Variants in DCDC2 observed in about 807,000 individuals in gnomAD.
DCDC2 encodes doublecortin domain containing 2, also known as doublecortin domain-containing protein 2.
Under a neutral mutation model 50.2 loss-of-function variants are expected in DCDC2, and 40 were observed. The observed-to-expected ratio is 0.80, with a 90% CI of 0.62 to 1.04. The LOEUF (loss-of-function observed/expected upper bound fraction) is 1.04, where lower values mean the gene tolerates loss of function less well. DCDC2 is among the 50% of genes least tolerant of loss of function. The pLI, the probability that DCDC2 is intolerant of heterozygous loss-of-function variation, is 0.00. For missense variants in DCDC2, 570 were observed against 581.9 expected, an observed-to-expected ratio of 0.98 and a Z score of 0.21; for synonymous variants, 234 against 210.6, an observed-to-expected ratio of 1.11 and a Z score of -0.96.
chr6:24,241,634 A>G (rs867488624), intron 7 of DCDC2, among the ~76,000 whole-genome samples: 16 of 152,222 alleles, frequency 1.1e-4, no homozygotes, highest in African/African-American at 3.6e-4. Context: ...AAAGTTTACT[A>G]GAGAGAATAT....
chr6:24,377,082 C>G, the DCDC2 span, among the ~76,000 whole-genome samples: 1 of 152,158 alleles, frequency 6.6e-6, no homozygotes, highest in Non-Finnish European at 1.5e-5. Flanking sequence ...AATTATTTCA[C>G]AGCAAGGAAG....
chr6:24,376,760 C>CAAA, the DCDC2 span, among the ~76,000 whole-genome samples: 1 of 87,470 alleles, frequency 1.1e-5, no homozygotes, highest in Non-Finnish European at 2.2e-5. Context: ...AAAAAAAAAT[C>CAAA]CTAATAATGC....
chr6:24,362,315 G>T (rs186991501), upstream of DCDC2, among the ~76,000 whole-genome samples: 2,151 of 106,396 alleles, frequency 0.02, 94 homozygotes, highest in African/African-American at 0.052. Flanking sequence ...ATTGTATGTT[G>T]ATACAATTAT....
intron 7 of DCDC2, among the ~76,000 whole-genome samples, chr6:24,208,456 C>T (rs527798707): frequency 4.6e-5 from 7 of 151,014 alleles, no homozygotes; most frequent in Non-Finnish European, 7.4e-5. Flanking sequence ...CCGCAAGCTC[C>T]GCCTCCCAGG....
upstream of DCDC2, among the ~76,000 whole-genome samples, chr6:24,360,915 C>T (rs1162997402): frequency 6.6e-6 from 1 of 152,046 alleles, no homozygotes; most frequent in African/African-American, 2.4e-5. Flanking sequence ...ACATTTACCT[C>T]AGGTCACACA....
intron 6 of DCDC2, among the ~76,000 whole-genome samples, chr6:24,287,790 C>T (rs1307263818): frequency 6.6e-6 from 1 of 152,216 alleles, no homozygotes; most frequent in Non-Finnish European, 1.5e-5. Context: ...TCCTTCCCTC[C>T]CTCTCATGGT....
chr6:24,313,985 C>T (rs546992033), intron 2 of DCDC2, among the ~76,000 whole-genome samples: 1 of 152,110 alleles, frequency 6.6e-6, no homozygotes, highest in South Asian at 2.1e-4. Flanking sequence ...CAGCTCCTAG[C>T]CCTAGAAGCG....
At chr6:24,316,881 T>A (rs1759677247) in intron 2 of DCDC2, among the ~76,000 whole-genome samples, 1 of 151,844 alleles carries the variant, frequency 6.6e-6, no homozygotes, top group Non-Finnish European at 1.5e-5. Context: ...ACGATGCAAG[T>A]ATGAAAAATA....
chr6:24,382,306 T>G, the DCDC2 span, among the ~76,000 whole-genome samples: 1 of 152,288 alleles, frequency 6.6e-6, no homozygotes, highest in East Asian at 1.9e-4. Context: ...TGCATCAAAC[T>G]AAGTTTTGTT....
chr6:24,361,549 T>C (rs1345638107), upstream of DCDC2, among the ~76,000 whole-genome samples: 1 of 151,982 alleles, frequency 6.6e-6, no homozygotes, highest in Non-Finnish European at 1.5e-5. Flanking sequence ...GAGGGATGGA[T>C]GGGGAAAATA....
chr6:24,256,381 A>G (rs985913623), intron 7 of DCDC2, among the ~76,000 whole-genome samples: 1 of 151,844 alleles, frequency 6.6e-6, no homozygotes, highest in Admixed American at 6.6e-5. Context: ...TGTACATTAT[A>G]TATCAACAAA....
chr6:24,228,539 T>C (rs1207488187), intron 7 of DCDC2, among the ~76,000 whole-genome samples: 1 of 152,240 alleles, frequency 6.6e-6, no homozygotes, highest in African/African-American at 2.4e-5. Flanking sequence ...AGAAAGATTT[T>C]TCTAATGCAT....
chr6:24,208,045 C>T (rs956438960), intron 7 of DCDC2, among the ~76,000 whole-genome samples: 1 of 152,198 alleles, frequency 6.6e-6, no homozygotes, highest in African/African-American at 2.4e-5. Context: ...TACCCTGACT[C>T]TTCAACTCCA....
rs1561889345 is a variant in DCDC2 at position 24,205,026 on chromosome 6, A to C, written c.999T>G (p.Thr333=). 8.7e-6 allele frequency: 14 copies of C among 1,613,890 alleles called. 1 individual carries two copies. The Middle Eastern group carries it at 4.9e-4, about 57-fold the overall frequency. ...CCTGATCGACTGGAACCTCAACCTGAGTATCTTCATCTTCTTGGACTTCTG... is the reference window on the plus strand; with the variant it reads ...CCTGATCGACTGGAACCTCAACCTGCGTATCTTCATCTTCTTGGACTTCTG... ...GAAEVQEDED[T]QVEVPVDQRP... is the part of the protein sequence containing the mutation. Residue 333 remains threonine (T), a synonymous_variant, in exon 8 of 10, where the codon ACT becomes ACG. Transcript: ENST00000378454.
chr6:24,332,238 G>A lies in DCDC2; in HGVS notation c.348+21331C>T, dbSNP rs190144180. Reference sequence around the variant, plus strand: ...AATCTATTTCCCCTCCCCGAAAACCGGGATATGACTTCGGACTGCCTGGAA... The same window carrying A: ...AATCTATTTCCCCTCCCCGAAAACCAGGATATGACTTCGGACTGCCTGGAA... On this transcript the variant is annotated intron_variant, in intron 2 of 9. Coordinates refer to ENST00000378454, the MANE Select transcript of DCDC2 (RefSeq NM_016356.5). Among the ~76,000 whole-genome samples, 408 of 149,764 alleles carry A rather than the reference G, an allele frequency of 2.7e-3. 2 individuals are homozygous for A. Among genetic ancestry groups the A allele is most frequent in the African/African-American group, 9.4e-3 (375 of 39,724 alleles).
chr6:24,351,380 G>A (rs188578863), intron 2 of DCDC2, among the ~76,000 whole-genome samples: 30 of 152,294 alleles, frequency 2.0e-4, no homozygotes, highest in African/African-American at 4.1e-4. Flanking sequence ...GGACTCTAGC[G>A]AACAAGTGGG....
the DCDC2 span, among the ~76,000 whole-genome samples, chr6:24,371,467 G>A: frequency 6.6e-6 from 1 of 152,026 alleles, no homozygotes; most frequent in Non-Finnish European, 1.5e-5. Context: ...AATTAGCCGG[G>A]TGTGGTGGCA....
At chr6:24,219,559 TA>T (rs1762055265) in intron 7 of DCDC2, among the ~76,000 whole-genome samples, 3 of 152,134 alleles carry the variant, frequency 2.0e-5, no homozygotes, top group Non-Finnish European at 4.4e-5. Context: ...GGGGTGCAAC[TA>T]GTGGGGTTAT....
chr6:24,222,631 C>T (rs1762143728), intron 7 of DCDC2, among the ~76,000 whole-genome samples: 1 of 152,098 alleles, frequency 6.6e-6, no homozygotes, highest in South Asian at 2.1e-4. Context: ...AAGTTAAAAG[C>T]AAGGGGTTTA....
Sources: gnomAD v4.1 joint callset for allele counts (sites outside exome capture counted in the v4.1 genomes callset) on GRCh38, gnomAD v4.1.1 for gene constraint, MANE v1.5 for transcripts, NCBI Gene and HGNC (gene_info 2026-07-23, HGNC 2026-07-21) for gene names.